The following ESPNL variants were observed in gnomAD, a reference collection of about 807,000 sequenced individuals.
The protein encoded by ESPNL is espin-like protein.
Under a neutral mutation model 46.8 loss-of-function variants are expected in ESPNL, and 49 were observed. The ratio of observed to expected loss-of-function variants is 1.05; its 90% confidence interval spans 0.83 to 1.33. The LOEUF is 1.33. ESPNL is among the 40% of genes most tolerant of loss of function. ESPNL has a pLI of 0.00. For missense variants in ESPNL, 1,540 were observed against 1,436.6 expected (o/e 1.07, Z -1.16); for synonymous variants, 664 against 662.1 (o/e 1.00, Z -0.04).
chr2:238,130,802 TGGCCTGGCTTCAGGGGAGCCCA>T lies in ESPNL; in HGVS notation c.2097_2118del (p.Ser700ThrfsTer60). The T allele has an allele frequency of 6.5e-7, 1 of 1,543,530 alleles. No homozygotes were observed. The highest frequency in any genetic ancestry group is 1.4e-5 in the African/African-American group (1 of 73,476). ...GGCCAGCCCTGCCTAAGCCCCGCAG[TGGCCTGGCTTCAGGGGAGCCCA>T]GGCCTGGCGACACAGAGGAGGCCAG... On this transcript the variant is annotated frameshift_variant, in exon 9 of 9. Transcript: ENST00000343063. LOFTEE classifies it low-confidence loss of function (END_TRUNC).
chr2:238,127,415 G>A (rs921028629), intron 6 of ESPNL: 70 of 1,325,734 alleles, frequency 5.3e-5, no homozygotes, highest in Non-Finnish European at 6.4e-5. Flanking sequence ...CTCTCCCATC[G>A]ACCAGGCGGG....
In ESPNL at chr2:238,100,605, CGG is replaced by C; in HGVS notation, c.187_188del (p.Gly63GlnfsTer13). 6.6e-7 allele frequency: 1 copy of C among 1,508,316 alleles called. No individual in the cohort carries two copies. Among genetic ancestry groups the C allele is most frequent in the Non-Finnish European group, 8.8e-7 (1 of 1,132,526 alleles). The allele number at this position is 1,508,316 out of a possible 1,614,324, so 93.4% of individuals were successfully genotyped here. A position where few individuals can be genotyped will look rare whatever the true frequency, so the allele number is the denominator to read the frequency against. ...KFLVQRAQLP[G>X]NQRAHNGATP... ...TCTTGGTGCAGCGGGCCCAGCTGCC[CGG>C]CAACCAGCGGGCCCACAACGGGGCC... On this transcript the variant is annotated frameshift_variant, in exon 1 of 9. Coordinates refer to ENST00000343063, the MANE Select transcript of ESPNL (RefSeq NM_194312.4). LOFTEE classifies it high-confidence loss of function.
At chr2:238,105,197 A>G (rs1691569200) in intron 3 of ESPNL, among the ~76,000 whole-genome samples, 1 of 151,882 alleles carries the variant, frequency 6.6e-6, no homozygotes, top group Admixed American at 6.6e-5. Context: ...AGTTTGGGCC[A>G]CTCGACCACT....
chr2:238,130,319 T>C lies in ESPNL; in HGVS notation c.1605T>C (p.Ala535=). 4 of 1,607,498 alleles carry C rather than the reference T, an allele frequency of 2.5e-6. No homozygotes were observed. The highest frequency in any genetic ancestry group is 2.5e-6 in the Non-Finnish European group (3 of 1,177,616). ...AGAGTGAGCTGGGCCGGTTGGCGGC[T>C]GAGCTGCAGGCCCTGCTGCCCGAGC... is the stretch of plus-strand genomic sequence containing the variant. ...EYESELGRLA[A]ELQALLPEPL... The change falls in exon 9 of 9, where the codon GCT becomes GCC. Residue 535 remains alanine (A), a synonymous_variant. Coordinates refer to ENST00000343063, the MANE Select transcript of ESPNL (RefSeq NM_194312.4).
chr2:238,117,875 G>A (rs369494011), intron 5 of ESPNL, among the ~76,000 whole-genome samples: 1 of 152,158 alleles, frequency 6.6e-6, no homozygotes, highest in Non-Finnish European at 1.5e-5. Context: ...TACATGGAGG[G>A]GGGAGAGCTC....
rs776412407 is a variant in ESPNL at position 238,117,018 on chromosome 2, G to A, written c.971G>A (p.Arg324Gln). The change falls in exon 5 of 9, where the codon CGG (arginine) becomes CAG (glutamine). Residue 324 changes from arginine to glutamine, a missense_variant. Physicochemically the swap from Arg to Gln is conservative, Grantham distance 43. Coordinates refer to ENST00000343063, the MANE Select transcript of ESPNL (RefSeq NM_194312.4). Reference sequence around the variant, plus strand: ...CACCGGGACTGCGCCCAGTACCTGCGGGAGGTGGCCCAGCCGGTAAGGCTC... The same window carrying A: ...CACCGGGACTGCGCCCAGTACCTGCAGGAGGTGGCCCAGCCGGTAAGGCTC... The part of the protein sequence containing the change: ...HGHRDCAQYL[R>Q]EVAQPVPLLM... The A allele has an allele frequency of 4.2e-5, 68 of 1,611,060 alleles. No homozygotes were observed. The highest frequency in any genetic ancestry group is 5.5e-5 in the South Asian group (5 of 90,848).
intron 5 of ESPNL, among the ~76,000 whole-genome samples, chr2:238,118,769 AT>A (rs1691894359): frequency 2.5e-5 from 1 of 40,696 alleles, no homozygotes; most frequent in African/African-American, 2.6e-4. Flanking sequence ...AGGAGGGTGG[AT>A]GGAGGAGGGG....
At chr2:238,118,314 A>T (rs1691864963) in intron 5 of ESPNL, among the ~76,000 whole-genome samples, 1 of 111,892 alleles carries the variant, frequency 8.9e-6, no homozygotes, top group South Asian at 3.5e-4. Flanking sequence ...GGGTAGATGG[A>T]GGAGGGTGGG....
Position 238,128,909 on chromosome 2 carries a change from G to GC in ESPNL, c.1413+10dup. ...GAGAGCTCCGCAGAGGCCCAGGTAG[G>GC]CCCCCGGCAGGGGCGGGACCAGTGG... On this transcript the variant is annotated splice_donor_region_variant and intron_variant, in intron 8 of 8. Coordinates refer to ENST00000343063, the MANE Select transcript of ESPNL (RefSeq NM_194312.4). 1 of 1,535,396 alleles carries GC rather than the reference G, an allele frequency of 6.5e-7. No homozygotes were observed. Among genetic ancestry groups the GC allele is most frequent in the South Asian group, 1.2e-5 (1 of 83,778 alleles).
Position 238,104,772 on chromosome 2 carries a change from G to C in ESPNL, c.602G>C (p.Arg201Pro), listed in dbSNP as rs555613064. The C allele has an allele frequency of 1.2e-6, 2 of 1,600,348 alleles. No homozygotes were observed. The highest frequency in any genetic ancestry group is 1.7e-6 in the Non-Finnish European group (2 of 1,175,290). Residue 201 changes from arginine to proline, a missense_variant, in exon 3 of 9, where the codon CGT becomes CCT. By Grantham distance (103) the Arg-to-Pro change is moderately radical (BLOSUM62 -2). Transcript: ENST00000343063. The part of the protein sequence containing the change: ...VKDCGADVHL[R>P]ALDGMSALHA... ...GACTGTGGCGCTGACGTGCACCTTC[G>C]TGCTCTCGATGGCATGAGCGCCCTG...
intron 5 of ESPNL, among the ~76,000 whole-genome samples, chr2:238,119,005 GA>G (rs1691905666): frequency 6.9e-6 from 1 of 144,280 alleles, no homozygotes; most frequent in African/African-American, 2.6e-5. Flanking sequence ...GATGGAAGAG[GA>G]TTGATGGAGG....
chr2:238,126,149 T>G (rs1013293179), intron 6 of ESPNL, among the ~76,000 whole-genome samples: 1 of 152,066 alleles, frequency 6.6e-6, no homozygotes, highest in African/African-American at 2.4e-5. Flanking sequence ...TGTGATTGTG[T>G]CTGTGTGCAT....
At chr2:238,107,443 C>G (rs926327573) in intron 3 of ESPNL, among the ~76,000 whole-genome samples, 1 of 152,100 alleles carries the variant, frequency 6.6e-6, no homozygotes, top group Admixed American at 6.5e-5. Flanking sequence ...CCCTCCCCGC[C>G]CCTCCCTCCC....
chr2:238,116,214 A>C (rs1000263045), intron 4 of ESPNL, among the ~76,000 whole-genome samples: 3 of 152,244 alleles, frequency 2.0e-5, no homozygotes, highest in Non-Finnish European at 4.4e-5. Context: ...AATCCTTCAC[A>C]GGCCAAGATG....
intron 5 of ESPNL, among the ~76,000 whole-genome samples, chr2:238,119,052 AAT>A (rs1691907772): frequency 8.5e-6 from 1 of 117,896 alleles, no homozygotes; most frequent in Admixed American, 8.3e-5. Flanking sequence ...AGGAGGAATG[AAT>A]GGAAGAGGAT....
rs779351650 is a variant in ESPNL, at chr2:238,128,729, G to A, written c.1238G>A (p.Gly413Glu). Residue 413 changes from glycine (G) to glutamate (E), a missense_variant, in exon 8 of 9, where the codon GGG becomes GAG. Physicochemically the swap from Gly to Glu is moderately conservative, Grantham distance 98. Coordinates refer to ENST00000343063, the MANE Select transcript of ESPNL (RefSeq NM_194312.4). ...CAGGGGACAGAGACGGCGCTGGCGG[G>A]GGACACCTCAGATGGCCTGGCCGCA... is the stretch of plus-strand genomic sequence containing the variant. ...DPEGTETALA[G>E]DTSDGLAALQ... 9 of 1,602,122 alleles carry A rather than the reference G, an allele frequency of 5.6e-6. No homozygotes were observed. The highest frequency in any genetic ancestry group is 3.4e-5 in the South Asian group (3 of 88,836).
In ESPNL at chr2:238,107,787, C is replaced by A; in HGVS notation, c.673-4C>A. ...GGCTGCTCCCTCTGCCCCTCCTTCC[C>A]CAGGTCACATTCACCGACATCGGAC... On this transcript the variant is annotated splice_region_variant and splice_polypyrimidine_tract_variant and intron_variant, in intron 3 of 8. Transcript: ENST00000343063. 1 of 1,579,434 alleles carries A rather than the reference C, an allele frequency of 6.3e-7. No homozygotes were observed. The highest frequency in any genetic ancestry group is 2.3e-5 in the East Asian group (1 of 43,066).
At chr2:238,106,833 C>T (rs180998156) in intron 3 of ESPNL, among the ~76,000 whole-genome samples, 1 of 152,342 alleles carries the variant, frequency 6.6e-6, no homozygotes, top group Admixed American at 6.5e-5. Flanking sequence ...GCCAGAGAGG[C>T]CACTCCAGAT....
chr2:238,114,364 C>T lies in ESPNL; in HGVS notation c.856-2539C>T, dbSNP rs1223649360. Among the ~76,000 whole-genome samples, 1 of 152,156 alleles carries T rather than the reference C, an allele frequency of 6.6e-6. No individual in the cohort carries two copies. Among genetic ancestry groups the T allele is most frequent in the Non-Finnish European group, 1.5e-5 (1 of 68,020 alleles). Reference sequence around the variant, plus strand: ...TCCTGCAGACCCCGTAACTCCCCTCCTCCGCATCCTGGCCTCCTCTTCCCA... The same window carrying T: ...TCCTGCAGACCCCGTAACTCCCCTCTTCCGCATCCTGGCCTCCTCTTCCCA... On this transcript the variant is annotated intron_variant, in intron 4 of 8. Transcript: ENST00000343063. The surrounding 1 kb of genome is among the most constrained non-coding windows in gnomAD (Gnocchi z 5.0).
Sources: allele counts gnomAD v4.1 joint callset (sites outside exome capture counted in the v4.1 genomes callset), GRCh38; gene constraint gnomAD v4.1.1; non-coding constraint Gnocchi (gnomAD v3.1); transcripts MANE v1.5; gene names NCBI Gene and HGNC (gene_info 2026-07-23, HGNC 2026-07-21).